GLCCI1: variants seen among roughly 807,000 people sequenced by gnomAD.
The protein encoded by GLCCI1 is glucocorticoid-induced transcript 1 protein.
GLCCI1 carries 24 observed loss-of-function variants against 52.2 expected under a neutral mutation model. The ratio of observed to expected loss-of-function variants is 0.46; its 90% CI spans 0.33 to 0.65. The LOEUF (loss-of-function observed/expected upper bound fraction) is 0.65. GLCCI1 is among the 30% of genes least tolerant of loss of function. The pLI, the probability that GLCCI1 is intolerant of heterozygous loss-of-function variation, is 0.02. For synonymous variants in GLCCI1, 310 were observed against 276.5 expected, an observed-to-expected ratio of 1.12 and a Z score of -1.20; for missense variants, 704 against 701.5, an observed-to-expected ratio of 1.00 and a Z score of -0.04.
intron 1 of GLCCI1, among the ~76,000 whole-genome samples, chr7:7,973,011 C>T (rs1436531621): frequency 6.6e-6 from 1 of 151,682 alleles, no homozygotes; most frequent in Non-Finnish European, 1.5e-5. Context: ...TACATTCATT[C>T]CTGTACTTCT....
At position 7,969,219 on chromosome 7, in the gene GLCCI1, C is replaced by A; in HGVS notation, c.-132C>A. 1 of 758,968 alleles carries A rather than the reference C, an allele frequency of 1.3e-6. No individual in the cohort carries two copies. The highest frequency in any genetic ancestry group is 1.7e-6 in the Non-Finnish European group (1 of 582,902). 47.0% of individuals were successfully genotyped at this position (758,968 alleles called of 1,614,324 possible). On this transcript the variant is annotated 5_prime_UTR_variant, in exon 1 of 8. Transcript: ENST00000223145. The surrounding 1 kb of genome is among the most constrained non-coding windows in gnomAD (Gnocchi z 4.9). ...GGGAGGGGGAGCCCCGAGACTCCTC[C>A]CCCACAGCGATACCCCCGCCCCTCC...
intron 4 of GLCCI1, among the ~76,000 whole-genome samples, chr7:8,057,898 A>G (rs1424994742): frequency 1.3e-5 from 2 of 152,200 alleles, no homozygotes; most frequent in Non-Finnish European, 2.9e-5. Context: ...ATCCTTTGCT[A>G]TACATACTGG....
At chr7:8,038,837 A>T (rs544426577) in intron 3 of GLCCI1, among the ~76,000 whole-genome samples, 117 of 152,316 alleles carry the variant, frequency 7.7e-4, no homozygotes, top group Non-Finnish European at 1.4e-3. Context: ...TACAGAATGC[A>T]AGAAAATATT....
chr7:7,991,309 A>G (rs997322609), intron 1 of GLCCI1, among the ~76,000 whole-genome samples: 1 of 152,084 alleles, frequency 6.6e-6, no homozygotes, highest in Non-Finnish European at 1.5e-5. Flanking sequence ...TTCAGTTTAG[A>G]TATCATGAGA....
At chr7:8,051,368 C>G (rs965789017) in intron 3 of GLCCI1, among the ~76,000 whole-genome samples, 10 of 152,212 alleles carry the variant, frequency 6.6e-5, no homozygotes, top group African/African-American at 2.4e-4. Flanking sequence ...GCATGATTTC[C>G]TCTTCTGTTA....
At chr7:8,066,621 C>G (rs1782637117) in intron 5 of GLCCI1, among the ~76,000 whole-genome samples, 1 of 150,860 alleles carries the variant, frequency 6.6e-6, no homozygotes, top group Non-Finnish European at 1.5e-5. Flanking sequence ...TTGATTTCTG[C>G]CTTAATTTCA....
At chr7:8,008,587 G>T (rs1296213984) in intron 2 of GLCCI1, among the ~76,000 whole-genome samples, 1 of 152,076 alleles carries the variant, frequency 6.6e-6, no homozygotes, top group Non-Finnish European at 1.5e-5. Flanking sequence ...GAGCCACCAT[G>T]CCTGGCCAGT....
chr7:7,981,427 A>G (rs1020389410), intron 1 of GLCCI1, among the ~76,000 whole-genome samples: 5 of 151,922 alleles, frequency 3.3e-5, no homozygotes, highest in South Asian at 2.1e-4. Context: ...GGTTCAAGTG[A>G]TTCTCCTCCC....
chr7:7,999,118 G>C (rs1464226586), intron 1 of GLCCI1, among the ~76,000 whole-genome samples: 1 of 151,878 alleles, frequency 6.6e-6, no homozygotes, highest in Non-Finnish European at 1.5e-5. Context: ...TTCTGACAGA[G>C]TAGTTATAGA....
chr7:7,983,704 G>T (rs1247614013), intron 1 of GLCCI1, among the ~76,000 whole-genome samples: 1 of 152,152 alleles, frequency 6.6e-6, no homozygotes, highest in African/African-American at 2.4e-5. Flanking sequence ...AACAATGATT[G>T]TTAGTGCATG....
At chr7:8,015,750 A>G (rs1320871889) in intron 2 of GLCCI1, among the ~76,000 whole-genome samples, 1 of 152,238 alleles carries the variant, frequency 6.6e-6, no homozygotes, top group African/African-American at 2.4e-5. Flanking sequence ...AGTTTCAAAT[A>G]CCATCTCTAA....
At chr7:8,001,038 A>G (rs1056526258) in intron 1 of GLCCI1, among the ~76,000 whole-genome samples, 1 of 152,130 alleles carries the variant, frequency 6.6e-6, no homozygotes, top group African/African-American at 2.4e-5. Context: ...GCCCATTTAC[A>G]TTTAAGGTTA....
intron 6 of GLCCI1, among the ~76,000 whole-genome samples, chr7:8,075,075 T>C (rs912376689): frequency 2.6e-5 from 4 of 152,226 alleles, no homozygotes; most frequent in Non-Finnish European, 5.9e-5. Flanking sequence ...ATCATTTTTG[T>C]GTGTTCCTAA....
chr7:7,983,822 T>C (rs1000871863), intron 1 of GLCCI1, among the ~76,000 whole-genome samples: 1 of 152,198 alleles, frequency 6.6e-6, no homozygotes, highest in Non-Finnish European at 1.5e-5. Context: ...TTTATCTTCA[T>C]TTAAGGCCTG....
chr7:7,969,363 T>A lies in GLCCI1; in HGVS notation c.13T>A (p.Ser5Thr). 7.6e-7 allele frequency: 1 copy of A among 1,321,304 alleles called. No individual in the cohort carries two copies. Among genetic ancestry groups the A allele is most frequent in the Non-Finnish European group, 9.9e-7 (1 of 1,006,230 alleles). The allele number at this position is 1,321,304 out of a possible 1,614,324, so 81.8% of individuals were successfully genotyped here. A position where few individuals can be genotyped will look rare whatever the true frequency, so the allele number is the denominator to read the frequency against. The change falls in exon 1 of 8, where the codon TCC becomes ACC. Residue 5 changes from serine (S) to threonine (T), a missense_variant. Coordinates refer to ENST00000223145, the MANE Select transcript of GLCCI1 (RefSeq NM_138426.4). This position sits in a 1 kb window ranked among gnomAD's most constrained non-coding sequence, Gnocchi z 4.9. MSTA[S>T]SSSSSSSSQT... ...CCGCAGAGCCACCATGTCCACTGCCTCCTCCTCCTCCTCCTCCAGTTCCTC... is the reference window on the plus strand; with the variant it reads ...CCGCAGAGCCACCATGTCCACTGCCACCTCCTCCTCCTCCTCCAGTTCCTC...
rs552495177 is a variant in GLCCI1, at chr7:8,016,285, T to A, written c.610-6198T>A. On this transcript the variant is annotated intron_variant, in intron 2 of 7. Coordinates refer to ENST00000223145, the MANE Select transcript of GLCCI1 (RefSeq NM_138426.4). The stretch of plus-strand genomic sequence containing the variant: ...GAGATCAAGATCATCCTGGCTAACA[T>A]GGTGAAACCCCGTCTCTACTAAAAA... Among the ~76,000 whole-genome samples the A allele has an allele frequency of 4.0e-4, 61 of 152,174 alleles. No individual in the cohort carries two copies. In the South Asian group the frequency reaches 0.012, roughly 30 times the overall value.
At chr7:8,053,288 GGTTTT>G (rs1320518701) in intron 3 of GLCCI1, among the ~76,000 whole-genome samples, 6 of 145,856 alleles carry the variant, frequency 4.1e-5, no homozygotes, top group Admixed American at 6.8e-5. Flanking sequence ...ACCTTTTCAT[GGTTTT>G]GTTTTGTTTT....
intron 1 of GLCCI1, among the ~76,000 whole-genome samples, chr7:7,972,870 C>T (rs1288983124): frequency 6.6e-6 from 1 of 152,016 alleles, no homozygotes; most frequent in Non-Finnish European, 1.5e-5. Context: ...CGTAAATTGC[C>T]AAATACCTTG....
intron 6 of GLCCI1, among the ~76,000 whole-genome samples, chr7:8,084,209 A>G (rs896058659): frequency 6.6e-5 from 10 of 152,186 alleles, no homozygotes; most frequent in Non-Finnish European, 1.2e-4. Flanking sequence ...TCATGAATAG[A>G]CCATTTTCTT....
Sources: gnomAD v4.1 joint callset for allele counts (sites outside exome capture counted in the v4.1 genomes callset) on GRCh38, gnomAD v4.1.1 for gene constraint, Gnocchi (gnomAD v3.1) non-coding constraint, MANE v1.5 for transcripts, NCBI Gene and HGNC (gene_info 2026-07-23, HGNC 2026-07-21) for gene names.